Variants in HK1 observed in about 807,000 individuals in gnomAD.
HK1 encodes hexokinase-1.
A neutral mutation model predicts 91.6 loss-of-function variants in HK1; 28 were observed. That is an observed-to-expected ratio of 0.31 (90% CI 0.23 to 0.42). The LOEUF is 0.42. HK1 is among the 10% of genes least tolerant of loss of function. HK1 has a pLI of 1.00. For synonymous variants in HK1, 430 were observed against 468.1 expected (o/e 0.92, Z 1.05); for missense variants, 770 against 1,219.8 (o/e 0.63, Z 5.49).
intron 7 of HK1, among the ~76,000 whole-genome samples, chr10:69,370,979 C>T (rs151009277): frequency 6.3e-4 from 96 of 152,212 alleles, no homozygotes; most frequent in African/African-American, 2.2e-3. Context: ...TGTCAACCTA[C>T]AGAGAGATGT....
Position 69,401,275 on chromosome 10 carries a change from G to A in HK1, c.*140G>A. ...GGGAGGAAAGCAAAATCCAACTAAT[G>A]GTATATATTGTAGGGTACAGAATAG... On this transcript the variant is annotated 3_prime_UTR_variant, in exon 18 of 18. Coordinates refer to ENST00000359426, the MANE Select transcript of HK1 (RefSeq NM_000188.3). 1.2e-6 allele frequency: 1 copy of A among 868,420 alleles called. No individual in the cohort carries two copies. Among genetic ancestry groups the A allele is most frequent in the Non-Finnish European group, 1.8e-6 (1 of 542,374 alleles). 53.8% of individuals were successfully genotyped at this position (868,420 alleles called of 1,614,324 possible).
chr10:69,325,163 T>C (rs556194656), intron 1 of HK1, among the ~76,000 whole-genome samples: 3 of 150,150 alleles, frequency 2.0e-5, no homozygotes, highest in Admixed American at 1.3e-4. Context: ...GCCATTCTCC[T>C]GCCTCAGCCT....
intron 4 of HK1, chr10:69,295,786 G>A: frequency 3.8e-6 from 3 of 779,572 alleles, no homozygotes; most frequent in Non-Finnish European, 2.2e-6. Context: ...CCAAGCAGCT[G>A]TGCAGTGGCT....
In HK1 at chr10:69,380,240, T is replaced by A; in HGVS notation, c.1265+145T>A. ...GGGCTGTGGCTCATGCCTGTAATCT[T>A]AGCACTTTGAGAGGCCGAGGCAGGA... On this transcript the variant is annotated intron_variant, in intron 9 of 17. Coordinates refer to ENST00000359426, the MANE Select transcript of HK1 (RefSeq NM_000188.3). This position sits in a 1 kb window ranked among gnomAD's most constrained non-coding sequence, Gnocchi z 4.0. 1 of 734,462 alleles carries A rather than the reference T, an allele frequency of 1.4e-6. No homozygotes were observed. The highest frequency in any genetic ancestry group is 2.4e-6 in the Non-Finnish European group (1 of 412,416). The allele number at this position is 734,462 out of a possible 1,614,324, so 45.5% of individuals were successfully genotyped here. A position where few individuals can be genotyped will look rare whatever the true frequency, so the allele number is the denominator to read the frequency against.
chr10:69,368,544 G>A lies in HK1; in HGVS notation c.504G>A (p.Leu168=). The change falls in exon 5 of 18, where the codon CTG becomes CTA. Residue 168 remains leucine, a synonymous_variant. Transcript: ENST00000359426. ...TCCATTCTTCTTTGCAGGCCATCCT[G>A]ATCACCTGGACAAAGCGATTTAAAG... is the stretch of plus-strand genomic sequence containing the variant. The part of the protein sequence containing the change: ...CQQSKIDEAI[L]ITWTKRFKAS... 6.2e-7 allele frequency: 1 copy of A among 1,614,068 alleles called. No individual in the cohort carries two copies. Among genetic ancestry groups the A allele is most frequent in the South Asian group, 1.1e-5 (1 of 91,070 alleles).
At chr10:69,318,017 G>A (rs1404633544), upstream of HK1, 1 of 983,690 alleles carries the variant, frequency 1.0e-6, no homozygotes, top group East Asian at 1.1e-4. Flanking sequence ...GGGCCTGGAT[G>A]CCCAAGAGCA....
At chr10:69,349,400 G>A (rs890518565) in intron 2 of HK1, among the ~76,000 whole-genome samples, 3 of 152,110 alleles carry the variant, frequency 2.0e-5, no homozygotes, top group South Asian at 2.1e-4. Flanking sequence ...GTGCGTCATC[G>A]TCATCCTCAT....
At chr10:69,332,143 A>C (rs1223589449) in intron 1 of HK1, among the ~76,000 whole-genome samples, 2 of 152,110 alleles carry the variant, frequency 1.3e-5, no homozygotes, top group Non-Finnish European at 2.9e-5. Context: ...TGTGGCTCAT[A>C]TTATCTTCCT....
intron 11 of HK1, 28 bp downstream of exon 11, chr10:69,384,509 G>A (rs1473823967): frequency 3.7e-6 from 6 of 1,613,942 alleles, no homozygotes; most frequent in Non-Finnish European, 5.1e-6. Flanking sequence ...TAGTGCATGT[G>A]CACTGCACAC....
chr10:69,304,573 G>A (rs1430652410), intron 5 of HK1, among the ~76,000 whole-genome samples: 6 of 152,282 alleles, frequency 3.9e-5, no homozygotes, highest in Middle Eastern at 3.4e-3. Context: ...CTCCCAAAGC[G>A]CTAGGATTAC....
intron 1 of HK1, among the ~76,000 whole-genome samples, chr10:69,329,150 GCTTT>G (rs1564516409): frequency 6.7e-6 from 1 of 148,814 alleles, no homozygotes; most frequent in African/African-American, 2.5e-5. Flanking sequence ...GTATAGACAT[GCTTT>G]CTTTCTTTCT....
intron 3 of HK1, among the ~76,000 whole-genome samples, chr10:69,362,997 G>C (rs909907793): frequency 2.0e-5 from 3 of 152,210 alleles, no homozygotes; most frequent in African/African-American, 7.2e-5. Context: ...GCTGGCTTGG[G>C]GGGGATCTGG....
At position 69,401,471 on chromosome 10, in the gene HK1, C is replaced by A; in HGVS notation, c.*336C>A. The A allele has an allele frequency of 2.5e-6, 1 of 398,500 alleles. No individual in the cohort carries two copies. The highest frequency in any genetic ancestry group is 4.8e-6 in the Non-Finnish European group (1 of 209,952). 24.7% of individuals were successfully genotyped at this position (398,500 alleles called of 1,614,324 possible). ...TATTGGCTGGAGATGGAAAATCACA[C>A]CACCTGACAGGCCTTCTGGGCCTCC... On this transcript the variant is annotated 3_prime_UTR_variant, in exon 18 of 18. Transcript: ENST00000359426.
At chr10:69,359,835 A>G (rs1849323113) in intron 2 of HK1, 62 bp from the exon 3 acceptor site, 2 of 1,511,162 alleles carry the variant, frequency 1.3e-6, no homozygotes, top group Non-Finnish European at 1.8e-6. Flanking sequence ...GGAAGCGGGC[A>G]TGGTATGTGG....
At chr10:69,297,486 C>T (rs529395018) in intron 4 of HK1, among the ~76,000 whole-genome samples, 35 of 152,270 alleles carry the variant, frequency 2.3e-4, no homozygotes, top group Non-Finnish European at 3.7e-4. Flanking sequence ...GACAAATCAA[C>T]GTTGGTGGCC....
Position 69,380,192 on chromosome 10 carries a change from G to T in HK1, c.1265+97G>T. 2.0e-6 allele frequency: 2 copies of T among 990,266 alleles called. No homozygotes were observed. The highest frequency in any genetic ancestry group is 1.6e-6 in the Non-Finnish European group (1 of 632,830). 61.3% of individuals were successfully genotyped at this position (990,266 alleles called of 1,614,324 possible). A position where few individuals can be genotyped will look rare whatever the true frequency, so the allele number is the denominator to read the frequency against. Reference sequence around the variant, plus strand: ...TTTTGTACCCGGTAAACGTTTTTCGGCAGACAAGACAATGGTGGTCGGGGG... The same window carrying T: ...TTTTGTACCCGGTAAACGTTTTTCGTCAGACAAGACAATGGTGGTCGGGGG... On this transcript the variant is annotated intron_variant, in intron 9 of 17. Transcript: ENST00000359426. The surrounding 1 kb of genome is among the most constrained non-coding windows in gnomAD (Gnocchi z 4.0).
At chr10:69,356,581 T>G (rs1250649539) in intron 2 of HK1, among the ~76,000 whole-genome samples, 1 of 151,854 alleles carries the variant, frequency 6.6e-6, no homozygotes, top group Non-Finnish European at 1.5e-5. Context: ...CTTTTACAAC[T>G]CAACACATAA....
intron 4 of HK1, among the ~76,000 whole-genome samples, chr10:69,296,890 G>C (rs150503345): frequency 5.4e-4 from 82 of 152,234 alleles, no homozygotes; most frequent in African/African-American, 1.8e-3. Flanking sequence ...TTGAGCTGGA[G>C]GAAGCCTTGG....
upstream of HK1, among the ~76,000 whole-genome samples, chr10:69,312,948 T>C (rs903187966): frequency 6.6e-6 from 1 of 152,164 alleles, no homozygotes; most frequent in Non-Finnish European, 1.5e-5. Flanking sequence ...CTTCACCTCC[T>C]TGGGAGGTGG....
Sources: allele counts gnomAD v4.1 joint callset (sites outside exome capture counted in the v4.1 genomes callset), GRCh38; gene constraint gnomAD v4.1.1; non-coding constraint Gnocchi (gnomAD v3.1); transcripts MANE v1.5; gene names NCBI Gene and HGNC (gene_info 2026-07-23, HGNC 2026-07-21).